NRXN3: variants seen among roughly 807,000 people sequenced by gnomAD.
NRXN3 encodes neurexin III.
NRXN3 carries 32 observed loss-of-function variants against 137.6 expected under a neutral mutation model. The observed-to-expected ratio is 0.23, with a 90% confidence interval of 0.18 to 0.31. The LOEUF (loss-of-function observed/expected upper bound fraction) is 0.31. Ranked by LOEUF, NRXN3 falls within the 10% of genes least tolerant of loss-of-function variation. The pLI is 1.00. For missense variants in NRXN3, 1,574 were observed against 2,062.5 expected, an observed-to-expected ratio of 0.76 and a Z score of 4.59; for synonymous variants, 798 against 784.5, an observed-to-expected ratio of 1.02 and a Z score of -0.29.
At chr14:79,664,169 AC>A (rs2098547274) in intron 17 of NRXN3, among the ~76,000 whole-genome samples, 1 of 152,172 alleles carries the variant, frequency 6.6e-6, no homozygotes. Context: ...CTTTTTGTCA[AC>A]CTTTGACTGA....
chr14:79,153,607 G>C (rs80310501), intron 15 of NRXN3, among the ~76,000 whole-genome samples: 3,997 of 151,920 alleles, frequency 0.026, 191 homozygotes, highest in African/African-American at 0.091. Context: ...CGTAAACCCA[G>C]GGCTGCTCAC....
chr14:79,342,469 T>A lies in NRXN3; in HGVS notation c.3263-124752T>A, dbSNP rs148986633. Among the ~76,000 whole-genome samples, 1,356 of 152,286 alleles carry A rather than the reference T, an allele frequency of 8.9e-3. 12 individuals are homozygous for A. Among genetic ancestry groups the A allele is most frequent in the Non-Finnish European group, 0.013 (851 of 68,026 alleles). On this transcript the variant is annotated intron_variant, in intron 15 of 20. Coordinates refer to ENST00000335750, the MANE Select transcript of NRXN3 (RefSeq NM_001330195.2). The stretch of plus-strand genomic sequence containing the variant: ...GATTCTCTCTGACATCATAGCAAAA[T>A]TTTTATGTGTGTGCCCAAGTACTAC...
intron 19 of NRXN3, among the ~76,000 whole-genome samples, chr14:79,762,458 C>G (rs2099041884): frequency 7.1e-6 from 1 of 141,440 alleles, no homozygotes; most frequent in Non-Finnish European, 1.5e-5. Context: ...CAGAGATTTC[C>G]TGGCTTCACT....
At chr14:79,050,854 G>A (rs575197465) in intron 15 of NRXN3, among the ~76,000 whole-genome samples, 7 of 152,212 alleles carry the variant, frequency 4.6e-5, no homozygotes, top group East Asian at 1.9e-4. Flanking sequence ...GTACTTAAAT[G>A]CATCACTTCA....
At chr14:78,881,719 A>C (rs1337712396) in intron 10 of NRXN3, among the ~76,000 whole-genome samples, 1 of 151,790 alleles carries the variant, frequency 6.6e-6, no homozygotes, top group Non-Finnish European at 1.5e-5. Context: ...TTAAATGAGA[A>C]GCAGAGCATA....
intron 16 of NRXN3, among the ~76,000 whole-genome samples, chr14:79,469,411 C>A (rs2096470258): frequency 6.6e-6 from 1 of 152,118 alleles, no homozygotes; most frequent in Admixed American, 6.5e-5. Flanking sequence ...TCTGTCATTT[C>A]TTTGGGGTCT....
chr14:78,428,468 G>C (rs183215376), intron 4 of NRXN3, among the ~76,000 whole-genome samples: 1 of 152,058 alleles, frequency 6.6e-6, no homozygotes, highest in East Asian at 1.9e-4. Flanking sequence ...TATTATTCAG[G>C]GTTCTTCGGA....
At chr14:79,088,965 G>A (rs183525925) in intron 15 of NRXN3, among the ~76,000 whole-genome samples, 125 of 152,262 alleles carry the variant, frequency 8.2e-4, no homozygotes, top group Admixed American at 3.4e-3. Flanking sequence ...GCCCTTTAAT[G>A]ATAATTATGA....
rs540666309 is a variant in NRXN3, at chr14:78,224,427, C to T, written c.-703-17964C>T. ...TCTCCTAATGCTATCCCTCCCCACT[C>T]GCCCCACCCCACAACAGTCCCCAGA... On this transcript the variant is annotated intron_variant, in intron 1 of 20. Transcript: ENST00000335750. Among the ~76,000 whole-genome samples the T allele has an allele frequency of 2.5e-3, 386 of 152,040 alleles. 2 individuals carry two copies. The highest frequency in any genetic ancestry group is 3.6e-3 in the Non-Finnish European group (244 of 67,994).
chr14:79,280,384 C>T, intron 15 of NRXN3: 1 of 1,614,116 alleles, frequency 6.2e-7, no homozygotes, highest in East Asian at 2.2e-5. Flanking sequence ...GTATCGTCAG[C>T]TCTGTATGGA....
intron 19 of NRXN3, among the ~76,000 whole-genome samples, chr14:79,759,814 A>G (rs2099032269): frequency 6.6e-6 from 1 of 151,688 alleles, no homozygotes; most frequent in African/African-American, 2.4e-5. Context: ...TTTGGAAGAA[A>G]GAAAATCTGT....
intron 16 of NRXN3, among the ~76,000 whole-genome samples, chr14:79,490,853 G>A (rs996365974): frequency 6.6e-6 from 1 of 152,018 alleles, no homozygotes; most frequent in Non-Finnish European, 1.5e-5. Context: ...ATGTTTGAGG[G>A]GATGGATACT....
chr14:79,474,028 T>C (rs1035054927), intron 16 of NRXN3, among the ~76,000 whole-genome samples: 2 of 152,146 alleles, frequency 1.3e-5, no homozygotes, highest in African/African-American at 4.8e-5. Flanking sequence ...TCTATCTAAA[T>C]CTGTTTACTT....
At chr14:79,682,230 G>A (rs530746104) in intron 17 of NRXN3, among the ~76,000 whole-genome samples, 1 of 152,162 alleles carries the variant, frequency 6.6e-6, no homozygotes, top group Non-Finnish European at 1.5e-5. Flanking sequence ...CCCCCATGCT[G>A]ATCCATACTT....
At chr14:78,759,557 C>T (rs1240767881) in intron 8 of NRXN3, among the ~76,000 whole-genome samples, 1 of 152,172 alleles carries the variant, frequency 6.6e-6, no homozygotes, top group Non-Finnish European at 1.5e-5. Flanking sequence ...ACACATCACT[C>T]ATCAGTCTTG....
intron 4 of NRXN3, among the ~76,000 whole-genome samples, chr14:78,521,845 G>A (rs1381719213): frequency 6.6e-6 from 1 of 151,958 alleles, no homozygotes; most frequent in East Asian, 1.9e-4. Context: ...AGGAAACTTG[G>A]GAACCAAGAA....
chr14:79,670,608 C>T (rs1178762638), intron 17 of NRXN3, among the ~76,000 whole-genome samples: 1 of 152,042 alleles, frequency 6.6e-6, no homozygotes, highest in Non-Finnish European at 1.5e-5. Context: ...GGCAAACTAC[C>T]CTTTCTTAAG....
Position 78,810,309 on chromosome 14 carries a change from C to A in NRXN3, c.2249-9C>A. 6.6e-7 allele frequency: 1 copy of A among 1,507,696 alleles called. No homozygotes were observed. Among genetic ancestry groups the A allele is most frequent in the Non-Finnish European group, 9.0e-7 (1 of 1,114,036 alleles). 93.4% of individuals were successfully genotyped at this position (1,507,696 alleles called of 1,614,324 possible). A position where few individuals can be genotyped will look rare whatever the true frequency, so the allele number is the denominator to read the frequency against. ...CAATTTCATCTTTCATTTATTTTTCCCCATCTAGACTGTATCAGGATAAAC... is the reference window on the plus strand; with the variant it reads ...CAATTTCATCTTTCATTTATTTTTCACCATCTAGACTGTATCAGGATAAAC... On this transcript the variant is annotated splice_polypyrimidine_tract_variant and intron_variant, in intron 9 of 20. Transcript: ENST00000335750.
intron 15 of NRXN3, among the ~76,000 whole-genome samples, chr14:79,079,421 C>G (rs1192899768): frequency 6.6e-6 from 1 of 152,064 alleles, no homozygotes; most frequent in Non-Finnish European, 1.5e-5. Flanking sequence ...GACATTTAGA[C>G]AAACCAAAAG....
Sources: allele counts gnomAD v4.1 joint callset (sites outside exome capture counted in the v4.1 genomes callset), GRCh38; gene constraint gnomAD v4.1.1; transcripts MANE v1.5; gene names NCBI Gene and HGNC (gene_info 2026-07-23, HGNC 2026-07-21).